Variants in CMTM7 observed in about 807,000 individuals in gnomAD.
CMTM7 encodes CKLF-like MARVEL transmembrane domain-containing protein 7.
Under a neutral mutation model 19.3 loss-of-function variants are expected in CMTM7, and 7 were observed. The ratio of observed to expected loss-of-function variants is 0.36; its 90% CI spans 0.21 to 0.68. The LOEUF (loss-of-function observed/expected upper bound fraction) is 0.68. Ranked by LOEUF, CMTM7 falls within the 30% of genes least tolerant of loss-of-function variation. CMTM7 has a pLI of 0.60. For missense variants in CMTM7, 193 were observed against 232.6 expected (o/e 0.83, Z 1.11); for synonymous variants, 87 against 99.3 (o/e 0.88, Z 0.74).
At chr3:32,452,871 C>G in intron 4 of CMTM7, among the ~76,000 whole-genome samples, 1 of 150,342 alleles carries the variant, frequency 6.7e-6, no homozygotes, top group Non-Finnish European at 1.5e-5. Context: ...CAACCTCAGC[C>G]TCCTGAGTAC....
At chr3:32,428,812 A>G (rs947459041) in intron 1 of CMTM7, among the ~76,000 whole-genome samples, 3 of 152,214 alleles carry the variant, frequency 2.0e-5, no homozygotes, top group East Asian at 1.9e-4. Context: ...ACAGAGACTT[A>G]GATGAGCTGT....
intron 1 of CMTM7, among the ~76,000 whole-genome samples, chr3:32,417,967 G>A (rs113744114): frequency 1.5e-3 from 232 of 152,210 alleles, no homozygotes; most frequent in African/African-American, 5.2e-3. Flanking sequence ...GACTATAGGC[G>A]TGTAACACCA....
intron 2 of CMTM7, among the ~76,000 whole-genome samples, chr3:32,444,632 G>A (rs1696727985): frequency 6.6e-6 from 1 of 152,194 alleles, no homozygotes; most frequent in African/African-American, 2.4e-5. Context: ...AGATCAATTT[G>A]GAGAATATTG....
chr3:32,398,862 G>A (rs1339876629), intron 1 of CMTM7, among the ~76,000 whole-genome samples: 2 of 152,100 alleles, frequency 1.3e-5, no homozygotes, highest in South Asian at 4.1e-4. Flanking sequence ...GCACGTGCCT[G>A]TAGTCCCAGC....
intron 1 of CMTM7, among the ~76,000 whole-genome samples, chr3:32,423,618 C>T (rs1203162525): frequency 6.6e-6 from 1 of 152,200 alleles, no homozygotes; most frequent in Non-Finnish European, 1.5e-5. Context: ...TTAGCCCCGT[C>T]AGAGCCTCTA....
intron 1 of CMTM7, among the ~76,000 whole-genome samples, chr3:32,400,006 A>G (rs958824619): frequency 1.3e-5 from 2 of 152,164 alleles, no homozygotes; most frequent in African/African-American, 4.8e-5. Flanking sequence ...GTAGATACAC[A>G]TAATTTTGGT....
intron 1 of CMTM7, among the ~76,000 whole-genome samples, chr3:32,427,423 A>G (rs567603556): frequency 2.0e-5 from 3 of 151,740 alleles, no homozygotes; most frequent in African/African-American, 7.2e-5. Flanking sequence ...GGCAGATGCT[A>G]GAGAAAGGGT....
At position 32,452,517 on chromosome 3, in the gene CMTM7, G is replaced by A. The variant is rs766016184; in HGVS notation, c.514+44G>A. On this transcript the variant is annotated intron_variant, in intron 4 of 4. Coordinates refer to ENST00000334983, the MANE Select transcript of CMTM7 (RefSeq NM_138410.4). ...TGCACAGAGGATCTCTCAGGAACAG[G>A]GGGATGGCTTGTTCTTGACTTCAGC... is the stretch of plus-strand genomic sequence containing the variant. The A allele has an allele frequency of 3.5e-5, 56 of 1,593,394 alleles. 1 individual carries two copies. Among genetic ancestry groups the A allele is most frequent in the Non-Finnish European group, 4.7e-5 (55 of 1,161,394 alleles).
chr3:32,405,610 C>T (rs1381182461), intron 1 of CMTM7, among the ~76,000 whole-genome samples: 1 of 152,112 alleles, frequency 6.6e-6, no homozygotes, highest in Non-Finnish European at 1.5e-5. Flanking sequence ...CTTGTCTGAG[C>T]CAAGTGTGGT....
At chr3:32,431,113 G>T (rs7640922) in intron 1 of CMTM7, among the ~76,000 whole-genome samples, 4,920 of 152,288 alleles carry the variant, frequency 0.032, 116 homozygotes, top group Middle Eastern at 0.054. Context: ...TTCCTGGGCA[G>T]TGATAAGGGC....
intron 2 of CMTM7, among the ~76,000 whole-genome samples, chr3:32,448,782 A>G (rs904687995): frequency 6.4e-5 from 9 of 140,914 alleles, no homozygotes; most frequent in Non-Finnish European, 1.1e-4. Context: ...GAATGACAGG[A>G]AAAAAAAAAA....
chr3:32,399,715 G>T (rs1296275340), intron 1 of CMTM7, among the ~76,000 whole-genome samples: 1 of 152,160 alleles, frequency 6.6e-6, no homozygotes, highest in African/African-American at 2.4e-5. Flanking sequence ...GTTCCCAAGT[G>T]CAGTCTGCAC....
chr3:32,401,010 C>A (rs185637368), intron 1 of CMTM7, among the ~76,000 whole-genome samples: 4 of 152,278 alleles, frequency 2.6e-5, no homozygotes, highest in African/African-American at 7.2e-5. Context: ...TTTTTAACAT[C>A]TAGAAATTAA....
chr3:32,421,478 C>G (rs1363957320), intron 1 of CMTM7, among the ~76,000 whole-genome samples: 2 of 152,212 alleles, frequency 1.3e-5, no homozygotes, highest in East Asian at 3.9e-4. Context: ...CCTCTGATTC[C>G]CCTTCTCTGT....
chr3:32,449,696 T>C lies in CMTM7; in HGVS notation c.432+144T>C. 1 of 700,642 alleles carries C rather than the reference T, an allele frequency of 1.4e-6. No individual in the cohort carries two copies. Among genetic ancestry groups the C allele is most frequent in the Non-Finnish European group, 2.5e-6 (1 of 392,382 alleles). The allele number at this position is 700,642 out of a possible 1,614,324, so 43.4% of individuals were successfully genotyped here. ...TACCTTGATCCAGCCATCAGCTCTC[T>C]CCAAAGAGCCTTAAGCAGAGGCGTA... is the stretch of plus-strand genomic sequence containing the variant. On this transcript the variant is annotated intron_variant, in intron 3 of 4. Coordinates refer to ENST00000334983, the MANE Select transcript of CMTM7 (RefSeq NM_138410.4). The surrounding 1 kb of genome is among the most constrained non-coding windows in gnomAD (Gnocchi z 4.5).
intron 1 of CMTM7, among the ~76,000 whole-genome samples, chr3:32,412,670 T>C (rs1196642096): frequency 6.6e-6 from 1 of 151,964 alleles, no homozygotes; most frequent in Admixed American, 6.6e-5. Flanking sequence ...GAAACATTAA[T>C]ATAATTAAAT....
At chr3:32,395,107 G>A (rs918438641) in intron 1 of CMTM7, among the ~76,000 whole-genome samples, 4 of 149,230 alleles carry the variant, frequency 2.7e-5, no homozygotes, top group Non-Finnish European at 4.5e-5. Context: ...TGGGCTCGGC[G>A]ATTGTCCCAC....
At chr3:32,408,417 C>T (rs1359149823) in intron 1 of CMTM7, among the ~76,000 whole-genome samples, 1 of 152,210 alleles carries the variant, frequency 6.6e-6, no homozygotes, top group East Asian at 1.9e-4. Flanking sequence ...TAGGAATTAA[C>T]TTTCGGAGAG....
intron 1 of CMTM7, among the ~76,000 whole-genome samples, chr3:32,434,440 G>T (rs1253092441): frequency 3.3e-5 from 5 of 149,790 alleles, no homozygotes; most frequent in African/African-American, 7.4e-5. Context: ...GGGACTACAG[G>T]TGCATACCAC....
Sources: allele counts gnomAD v4.1 joint callset (sites outside exome capture counted in the v4.1 genomes callset), GRCh38; gene constraint gnomAD v4.1.1; non-coding constraint Gnocchi (gnomAD v3.1); transcripts MANE v1.5; gene names NCBI Gene and HGNC (gene_info 2026-07-23, HGNC 2026-07-21).